Variants in DUSP22 observed in about 807,000 individuals in gnomAD.
The protein encoded by DUSP22 is dual specificity protein phosphatase 22.
Under a neutral mutation model 24.5 loss-of-function variants are expected in DUSP22, and 24 were observed. The observed-to-expected ratio is 0.98, with a 90% CI of 0.71 to 1.38. The LOEUF (loss-of-function observed/expected upper bound fraction) is 1.38. Among genes scored for constraint, DUSP22 ranks in the 40% most tolerant of loss-of-function variants. The pLI, the probability that DUSP22 is intolerant of heterozygous loss-of-function variation, is 0.00. For missense variants in DUSP22, 330 were observed against 269.2 expected, an observed-to-expected ratio of 1.23 and a Z score of -1.58; for synonymous variants, 160 against 106.4, an observed-to-expected ratio of 1.50 and a Z score of -3.10.
chr6:322,831 G>C (rs895004048), intron 3 of DUSP22, among the ~76,000 whole-genome samples: 11 of 108,890 alleles, frequency 1.0e-4, no homozygotes, highest in Middle Eastern at 4.3e-3. Flanking sequence ...GCTGCTTGGT[G>C]GGGCGGGGGG....
At chr6:310,845 TG>T (rs1216965358) in intron 2 of DUSP22, among the ~76,000 whole-genome samples, 2 of 152,308 alleles carry the variant, frequency 1.3e-5, no homozygotes, top group African/African-American at 4.8e-5. Flanking sequence ...ACCTTCTTGA[TG>T]ATGTAATCCA....
chr6:348,054 C>T (rs777720871), intron 5 of DUSP22, 49 bp from the exon 6 acceptor site: 1 of 1,607,614 alleles, frequency 6.2e-7, no homozygotes, highest in Non-Finnish European at 8.5e-7. Context: ...GGCGATGAAC[C>T]CGGAGATCTG....
At chr6:348,690 G>A (rs868764854) in intron 6 of DUSP22, 79 bp from the exon 7 acceptor site, 2 of 1,585,618 alleles carry the variant, frequency 1.3e-6, no homozygotes, top group African/African-American at 1.3e-5. Flanking sequence ...TCTCTGTGGT[G>A]AAGTCACAGG....
chr6:348,030 C>A, intron 5 of DUSP22, 73 bp from the exon 6 acceptor site: 3 of 1,590,582 alleles, frequency 1.9e-6, no homozygotes, highest in Non-Finnish European at 2.6e-6. Context: ...GAGTCCCCCG[C>A]TCCACATGGA....
At chr6:324,875 C>T (rs918526573) in intron 3 of DUSP22, among the ~76,000 whole-genome samples, 8 of 152,306 alleles carry the variant, frequency 5.3e-5, no homozygotes, top group African/African-American at 1.9e-4. Context: ...CGAGGGGCTC[C>T]GAGAGCTCAC....
In DUSP22 at chr6:351,180, C is replaced by T; in HGVS notation, c.*2229C>T. On this transcript the variant is annotated 3_prime_UTR_variant, in exon 7 of 7. Transcript: ENST00000419235. ...TCGTGATTGCTTCCTGTGAACGCCT[C>T]CCAAGGACGAGCCCAGTGTAGTTGT... 2.3e-6 allele frequency: 1 copy of T among 439,674 alleles called. No homozygotes were observed. Among genetic ancestry groups the T allele is most frequent in the Non-Finnish European group, 4.1e-6 (1 of 243,118 alleles). The allele number at this position is 439,674 out of a possible 1,614,324, so 27.2% of individuals were successfully genotyped here.
chr6:324,181 C>T (rs993431375), intron 3 of DUSP22, among the ~76,000 whole-genome samples: 1 of 152,308 alleles, frequency 6.6e-6, no homozygotes, highest in Non-Finnish European at 1.5e-5. Context: ...TGTCCTCTAG[C>T]CTCCTTGGTG....
intron 1 of DUSP22, among the ~76,000 whole-genome samples, chr6:302,976 A>C (rs986262199): frequency 8.5e-5 from 13 of 152,400 alleles, no homozygotes. Flanking sequence ...CTCTGCTCGC[A>C]CTGGACTCGG....
chr6:299,665 C>T (rs1757494580), intron 1 of DUSP22, among the ~76,000 whole-genome samples: 1 of 152,284 alleles, frequency 6.6e-6, no homozygotes, highest in Non-Finnish European at 1.5e-5. Flanking sequence ...CTTCTCTTTA[C>T]ATTACTTAAA....
intron 1 of DUSP22, among the ~76,000 whole-genome samples, chr6:302,834 A>G (rs944240151): frequency 6.6e-6 from 1 of 152,424 alleles, no homozygotes; most frequent in African/African-American, 2.4e-5. Flanking sequence ...CCAATATGGC[A>G]GGAACAAGGG....
intron 3 of DUSP22, among the ~76,000 whole-genome samples, chr6:321,657 G>A (rs892178657): frequency 1.3e-5 from 2 of 152,292 alleles, no homozygotes; most frequent in Non-Finnish European, 2.9e-5. Flanking sequence ...CATAGTGATA[G>A]TTTTTGTGAG....
At chr6:301,353 A>G (rs1757572733) in intron 1 of DUSP22, among the ~76,000 whole-genome samples, 1 of 152,304 alleles carries the variant, frequency 6.6e-6, no homozygotes, top group Admixed American at 6.5e-5. Context: ...AGTAAGGGGT[A>G]TTGGGAGAAT....
intron 2 of DUSP22, among the ~76,000 whole-genome samples, 188 bp downstream of exon 2, chr6:304,849 C>T (rs1757749000): frequency 1.3e-5 from 2 of 152,296 alleles, no homozygotes; most frequent in Admixed American, 6.5e-5. Flanking sequence ...ACACCAACTC[C>T]CCATTCCTCT....
At chr6:321,233 C>G (rs569209739) in intron 3 of DUSP22, among the ~76,000 whole-genome samples, 6 of 152,300 alleles carry the variant, frequency 3.9e-5, no homozygotes, top group African/African-American at 1.4e-4. Flanking sequence ...GAAGGTGTGT[C>G]CTGGCACTTT....
intron 3 of DUSP22, among the ~76,000 whole-genome samples, chr6:316,753 A>G (rs1758355499): frequency 6.6e-6 from 1 of 152,190 alleles, no homozygotes; most frequent in Admixed American, 6.5e-5. Context: ...ACTATTAACA[A>G]AAAAAAAGTT....
intron 3 of DUSP22, among the ~76,000 whole-genome samples, chr6:331,747 C>T (rs1378387526): frequency 6.6e-6 from 1 of 152,308 alleles, no homozygotes; most frequent in Non-Finnish European, 1.5e-5. Context: ...ATTCTGTAGT[C>T]TGTGGCTTGG....
chr6:305,357 A>C (rs1207466559), intron 2 of DUSP22, among the ~76,000 whole-genome samples: 1 of 152,312 alleles, frequency 6.6e-6, no homozygotes, highest in Non-Finnish European at 1.5e-5. Context: ...GAACATTATC[A>C]TCAAAAGGTG....
intron 1 of DUSP22, 50 bp from the exon 2 acceptor site, chr6:304,578 C>A (rs565428090): frequency 3.7e-6 from 6 of 1,613,800 alleles, no homozygotes; most frequent in Non-Finnish European, 4.2e-6. Context: ...TCTGCAATAC[C>A]ATCCACTTAG....
Position 350,798 on chromosome 6 carries a change from G to T in DUSP22, c.*1847G>T, listed in dbSNP as rs777108801. 1.2e-6 allele frequency: 2 copies of T among 1,614,106 alleles called. No individual in the cohort carries two copies. The highest frequency in any genetic ancestry group is 1.7e-5 in the Admixed American group (1 of 60,016). ...TTGAAATGTTGTTTTAATATTTGTT[G>T]CCAGTAATGTTCTTTCTTCACAGCC... is the stretch of plus-strand genomic sequence containing the variant. On this transcript the variant is annotated 3_prime_UTR_variant, in exon 7 of 7. Transcript: ENST00000419235.
Sources: allele counts gnomAD v4.1 joint callset (sites outside exome capture counted in the v4.1 genomes callset), GRCh38; gene constraint gnomAD v4.1.1; transcripts MANE v1.5; gene names NCBI Gene and HGNC (gene_info 2026-07-23, HGNC 2026-07-21).